Variants in MBOAT2 observed in about 807,000 individuals in gnomAD.
MBOAT2 encodes the protein membrane-bound glycerophospholipid O-acyltransferase 2.
A neutral mutation model predicts 63.4 loss-of-function variants in MBOAT2; 28 were observed. The observed-to-expected ratio is 0.44, with a 90% CI of 0.33 to 0.61. The LOEUF (loss-of-function observed/expected upper bound fraction) is 0.61, where lower values mean the gene tolerates loss of function less well. Among genes scored for constraint, MBOAT2 ranks in the 20% least tolerant of loss-of-function variants. The pLI is 0.03. For missense variants in MBOAT2, 470 were observed against 605.8 expected (o/e 0.78, Z 2.35); for synonymous variants, 211 against 215.6 (o/e 0.98, Z 0.19).
intron 9 of MBOAT2, among the ~76,000 whole-genome samples, chr2:8,865,255 A>G (rs980634025): frequency 6.6e-6 from 1 of 152,164 alleles, no homozygotes; most frequent in Non-Finnish European, 1.5e-5. Context: ...CGCATGATTC[A>G]ACCTAATACC....
intron 1 of MBOAT2, among the ~76,000 whole-genome samples, chr2:9,002,269 G>A (rs559584252): frequency 6.6e-6 from 1 of 152,156 alleles, no homozygotes; most frequent in Non-Finnish European, 1.5e-5. Flanking sequence ...AGTTATGACC[G>A]CGATGTGGAA....
chr2:8,949,704 G>A (rs1172993262), intron 2 of MBOAT2, among the ~76,000 whole-genome samples: 1 of 152,028 alleles, frequency 6.6e-6, no homozygotes, highest in East Asian at 1.9e-4. Flanking sequence ...GTTTGTGTCT[G>A]TTTTGTACCA....
intron 1 of MBOAT2, among the ~76,000 whole-genome samples, chr2:8,991,724 G>A (rs1321703931): frequency 2.0e-5 from 3 of 152,200 alleles, no homozygotes; most frequent in Non-Finnish European, 2.9e-5. Flanking sequence ...TAGTCTAGAT[G>A]TGTTATCAGG....
chr2:8,982,116 T>A (rs1327033646), intron 1 of MBOAT2, among the ~76,000 whole-genome samples: 3 of 152,136 alleles, frequency 2.0e-5, no homozygotes, highest in African/African-American at 4.8e-5. Context: ...TTAAGCGAGA[T>A]AACCCATGGC....
At chr2:8,909,426 C>T (rs898522585) in intron 3 of MBOAT2, among the ~76,000 whole-genome samples, 14 of 151,766 alleles carry the variant, frequency 9.2e-5, no homozygotes, top group African/African-American at 2.9e-4. Context: ...CATCTCACAC[C>T]GAAACAATTC....
chr2:8,954,393 C>A lies in MBOAT2; in HGVS notation c.221+4104G>T, dbSNP rs141397298. ...AGTGGTCTGAGCTCCCTGCTCAGCC[C>A]TGGGGGGCAGGGGCCACAAAGAGCA... On this transcript the variant is annotated intron_variant, in intron 2 of 12. Transcript: ENST00000305997. 3.2e-3 allele frequency among the ~76,000 whole-genome samples: 481 copies of A among 152,200 alleles called. 2 individuals carry two copies. Among genetic ancestry groups the A allele is most frequent in the Non-Finnish European group, 5.3e-3 (358 of 68,010 alleles).
chr2:8,972,218 T>C (rs1316600659), intron 1 of MBOAT2, among the ~76,000 whole-genome samples: 1 of 151,978 alleles, frequency 6.6e-6, no homozygotes, highest in Non-Finnish European at 1.5e-5. Flanking sequence ...ATACCACACA[T>C]CTACAACCAT....
chr2:8,860,307 T>C (rs1000954708), intron 12 of MBOAT2, among the ~76,000 whole-genome samples: 14 of 151,894 alleles, frequency 9.2e-5, no homozygotes, highest in Non-Finnish European at 1.5e-4. Flanking sequence ...AGCTGGTTTT[T>C]TCCCCAAAGA....
At chr2:8,976,427 G>A (rs550326601) in intron 1 of MBOAT2, among the ~76,000 whole-genome samples, 2 of 152,146 alleles carry the variant, frequency 1.3e-5, no homozygotes, top group South Asian at 4.2e-4. Context: ...CCTAAGGAAG[G>A]GTTAAACTAT....
In MBOAT2 at chr2:8,853,386, AG is replaced by A. The variant is rs1660887674; in HGVS notation, c.*5292del. 6.6e-6 allele frequency: 1 copy of A among 152,230 alleles called. No homozygotes were observed. Among genetic ancestry groups the A allele is most frequent in the Non-Finnish European group, 1.5e-5 (1 of 68,034 alleles). The allele number at this position is 152,230 out of a possible 1,614,324, so 9.4% of individuals were successfully genotyped here. A position where few individuals can be genotyped will look rare whatever the true frequency, so the allele number is the denominator to read the frequency against. On this transcript the variant is annotated 3_prime_UTR_variant, in exon 13 of 13. Coordinates refer to ENST00000305997, the MANE Select transcript of MBOAT2 (RefSeq NM_138799.4). ...CCAAAAATACATAAAATTGGGAAAG[AG>A]GCATATTTAAAAAGTCTGTCAAACT...
At chr2:8,879,713 C>G (rs1285060844) in intron 6 of MBOAT2, among the ~76,000 whole-genome samples, 1 of 152,144 alleles carries the variant, frequency 6.6e-6, no homozygotes, top group African/African-American at 2.4e-5. Context: ...CCAAAAGTGT[C>G]TAGACATTGT....
At chr2:8,942,204 C>A (rs1262756523) in intron 3 of MBOAT2, among the ~76,000 whole-genome samples, 1 of 152,210 alleles carries the variant, frequency 6.6e-6, no homozygotes, top group Non-Finnish European at 1.5e-5. Context: ...GAGGTAGCGA[C>A]TGACAGTGCC....
chr2:8,892,585 T>C (rs1664083167), intron 4 of MBOAT2, among the ~76,000 whole-genome samples: 1 of 152,142 alleles, frequency 6.6e-6, no homozygotes. Context: ...TATACTGTAC[T>C]GGAGAGAGAC....
intron 7 of MBOAT2, among the ~76,000 whole-genome samples, chr2:8,874,080 G>A (rs1251753083): frequency 6.6e-6 from 1 of 152,214 alleles, no homozygotes; most frequent in African/African-American, 2.4e-5. Flanking sequence ...ATTTAGAAGT[G>A]CTCTATACAG....
At chr2:8,895,151 C>T (rs1001476257) in intron 4 of MBOAT2, among the ~76,000 whole-genome samples, 5 of 152,214 alleles carry the variant, frequency 3.3e-5, no homozygotes, top group East Asian at 3.9e-4. Flanking sequence ...CGGACCCTAG[C>T]GGGAGCCACT....
At chr2:8,883,159 G>A (rs574013067) in intron 5 of MBOAT2, among the ~76,000 whole-genome samples, 39 of 151,600 alleles carry the variant, frequency 2.6e-4, no homozygotes, top group Non-Finnish European at 4.3e-4. Context: ...AAATTAAAAA[G>A]CAAATAGCAA....
rs1661006024 is a variant in MBOAT2, at chr2:8,855,247, T to C, written c.*3432A>G. On this transcript the variant is annotated 3_prime_UTR_variant, in exon 13 of 13. Transcript: ENST00000305997. Reference sequence around the variant, plus strand: ...CCTACAGACCTTGCTAATGGCTCCGTTCACGACACCCAACTGGTCCTGAAC... The same window carrying C: ...CCTACAGACCTTGCTAATGGCTCCGCTCACGACACCCAACTGGTCCTGAAC... The C allele has an allele frequency of 6.6e-6, 1 of 152,218 alleles. No homozygotes were observed. Among genetic ancestry groups the C allele is most frequent in the African/African-American group, 2.4e-5 (1 of 41,440 alleles). The allele number at this position is 152,218 out of a possible 1,614,324, so 9.4% of individuals were successfully genotyped here. A position where few individuals can be genotyped will look rare whatever the true frequency, so the allele number is the denominator to read the frequency against.
At chr2:8,993,689 C>G (rs1027241363) in intron 1 of MBOAT2, among the ~76,000 whole-genome samples, 1 of 152,194 alleles carries the variant, frequency 6.6e-6, no homozygotes, top group African/African-American at 2.4e-5. Flanking sequence ...CTGGCCCTCT[C>G]TACCAGGAAG....
chr2:8,882,409 T>C, intron 6 of MBOAT2, 102 bp downstream of exon 6: 1 of 1,132,672 alleles, frequency 8.8e-7, no homozygotes. Flanking sequence ...TTTTCAGAAG[T>C]AAGTACCTCT....
Sources: gnomAD v4.1 joint callset for allele counts (sites outside exome capture counted in the v4.1 genomes callset) on GRCh38, gnomAD v4.1.1 for gene constraint, MANE v1.5 for transcripts, NCBI Gene and HGNC (gene_info 2026-07-23, HGNC 2026-07-21) for gene names.